RILPL2: variants seen among roughly 807,000 people sequenced by gnomAD.
The protein encoded by RILPL2 is Rab interacting lysosomal protein like 2.
Under a neutral mutation model 22.2 loss-of-function variants are expected in RILPL2, and 19 were observed. The observed-to-expected ratio is 0.86, with a 90% CI of 0.60 to 1.25. The LOEUF (loss-of-function observed/expected upper bound fraction) is 1.25. RILPL2 is among the 50% of genes most tolerant of loss of function. The probability of loss-of-function intolerance (pLI) is 0.00; values close to 1 mark genes in which losing one functional copy is unlikely to be tolerated. For missense variants in RILPL2, 243 were observed against 263.6 expected, an observed-to-expected ratio of 0.92 and a Z score of 0.54; for synonymous variants, 123 against 111.6, an observed-to-expected ratio of 1.10 and a Z score of -0.64.
At chr12:123,424,257 G>A (rs1466648916) in intron 2 of RILPL2, among the ~76,000 whole-genome samples, 1 of 151,822 alleles carries the variant, frequency 6.6e-6, no homozygotes, top group Non-Finnish European at 1.5e-5. Flanking sequence ...ATTCCAGTAG[G>A]AGAAGGAAAC....
the RILPL2 span, among the ~76,000 whole-genome samples, chr12:123,409,553 T>C: frequency 2.0e-5 from 3 of 150,000 alleles, no homozygotes; most frequent in East Asian, 1.9e-4. Context: ...GTTAATGCTT[T>C]TTTTTTTTTT....
chr12:123,428,775 C>T (rs1322769318), intron 2 of RILPL2, among the ~76,000 whole-genome samples: 1 of 152,186 alleles, frequency 6.6e-6, no homozygotes, highest in African/African-American at 2.4e-5. Flanking sequence ...ATAGTGATAA[C>T]ATCACTGCTA....
At chr12:123,414,669 TCAC>T (rs1879066316), downstream of RILPL2, 1 of 153,732 alleles carries the variant, frequency 6.5e-6, no homozygotes, top group South Asian at 2.0e-4. Context: ...CAGCACGCTG[TCAC>T]CTCTCACCAG....
intron 3 of RILPL2, 51 bp from the exon 4 acceptor site, chr12:123,415,972 G>A: frequency 6.3e-7 from 1 of 1,591,110 alleles, no homozygotes; most frequent in Non-Finnish European, 8.6e-7. Flanking sequence ...ACAAAGCAAG[G>A]GGCACAGCAA....
chr12:123,430,447 A>G, intron 2 of RILPL2, 61 bp downstream of exon 2: 1 of 1,475,360 alleles, frequency 6.8e-7, no homozygotes. Context: ...ACAAATATGT[A>G]ACCTAGCAAG....
rs1452830758 is a variant in RILPL2, at chr12:123,436,268, C to A, written c.153G>T (p.Glu51Asp). 2 of 1,609,642 alleles carry A rather than the reference C, an allele frequency of 1.2e-6. No homozygotes were observed. The highest frequency in any genetic ancestry group is 1.7e-5 in the Admixed American group (1 of 59,354). The change falls in exon 1 of 4, where the codon GAG (glutamate) becomes GAT (aspartate). Residue 51 changes from glutamate (E) to aspartate (D), a missense_variant. Transcript: ENST00000280571. The surrounding 1 kb of genome is among the most constrained non-coding windows in gnomAD (Gnocchi z 6.7). ...GGGGGTCGCTGCCCAGGGCCATAAG[C>A]TCGCGGCCCAACAGGTAGGAGATGT... ...VYDISYLLGR[E>D]LMALGSDPRV...
rs966429966 is a variant in RILPL2, at chr12:123,436,069, C to T, written c.339+13G>A. The T allele has an allele frequency of 3.2e-6, 5 of 1,563,794 alleles. No individual in the cohort carries two copies. In the African/African-American group the frequency reaches 4.1e-5, roughly 13 times the overall value. Reference sequence around the variant, plus strand: ...AGGCGCCGTGGGCCCGGAACCCTCGCTCCCACACTCACCTCCCCGCTGGCC... The same window carrying T: ...AGGCGCCGTGGGCCCGGAACCCTCGTTCCCACACTCACCTCCCCGCTGGCC... On this transcript the variant is annotated intron_variant, in intron 1 of 3. Transcript: ENST00000280571. The surrounding 1 kb of genome is among the most constrained non-coding windows in gnomAD (Gnocchi z 6.7).
At chr12:123,431,843 T>G (rs2139252384) in intron 1 of RILPL2, among the ~76,000 whole-genome samples, 1 of 151,488 alleles carries the variant, frequency 6.6e-6, no homozygotes, top group Non-Finnish European at 1.5e-5. Context: ...AAAAAAAAAT[T>G]TAAGATGGTA....
At chr12:123,413,760 T>G (rs1307619003), downstream of RILPL2, 3 of 152,238 alleles carry the variant, frequency 2.0e-5, no homozygotes, top group Non-Finnish European at 4.4e-5. Context: ...GACAGGGCGC[T>G]GATTGGTGCG....
chr12:123,422,324 T>C (rs1879309324), intron 3 of RILPL2, among the ~76,000 whole-genome samples: 1 of 151,622 alleles, frequency 6.6e-6, no homozygotes, highest in Admixed American at 6.6e-5. Flanking sequence ...AAGACCAGCC[T>C]GTCCAACATG....
intron 3 of RILPL2, among the ~76,000 whole-genome samples, chr12:123,419,862 T>C (rs1163735081): frequency 6.6e-6 from 1 of 151,398 alleles, no homozygotes; most frequent in East Asian, 1.9e-4. Flanking sequence ...GGTGCGATCT[T>C]GGCTCACTGC....
At chr12:123,433,075 C>T (rs1282597375) in intron 1 of RILPL2, among the ~76,000 whole-genome samples, 2 of 149,472 alleles carry the variant, frequency 1.3e-5, no homozygotes, top group African/African-American at 2.5e-5. Flanking sequence ...TGTTCCTGTT[C>T]TTTCCTGGCT....
chr12:123,409,776 G>A, the RILPL2 span, among the ~76,000 whole-genome samples: 1 of 140,484 alleles, frequency 7.1e-6, no homozygotes, highest in African/African-American at 2.7e-5. Context: ...GCCCAGGTGG[G>A]AGTGCAGTGG....
chr12:123,424,908 G>A (rs1021656480), intron 2 of RILPL2, among the ~76,000 whole-genome samples: 4 of 150,014 alleles, frequency 2.7e-5, no homozygotes, highest in African/African-American at 9.9e-5. Context: ...TTGAGACAGA[G>A]TCTAGCTCTG....
downstream of RILPL2, among the ~76,000 whole-genome samples, chr12:123,410,099 G>A (rs1003713845): frequency 2.0e-5 from 3 of 152,036 alleles, no homozygotes; most frequent in Non-Finnish European, 2.9e-5. Context: ...CACCCGCCTC[G>A]GCCTCCCAAA....
intron 2 of RILPL2, among the ~76,000 whole-genome samples, chr12:123,429,303 G>A (rs1593493577): frequency 4.0e-5 from 6 of 151,804 alleles, no homozygotes; most frequent in African/African-American, 2.4e-5. Flanking sequence ...TTTTTGTTTC[G>A]TTTTGTTTTT....
At chr12:123,416,795 C>A (rs977724679) in intron 3 of RILPL2, among the ~76,000 whole-genome samples, 5 of 152,228 alleles carry the variant, frequency 3.3e-5, no homozygotes, top group African/African-American at 1.2e-4. Flanking sequence ...ACACACATTT[C>A]ACTTTTGCTC....
At chr12:123,409,309 GTCA>G in the RILPL2 span, 1 of 152,614 alleles carries the variant, frequency 6.6e-6, no homozygotes, top group Non-Finnish European at 1.5e-5. Context: ...AAAATTATTT[GTCA>G]TCATAAAAAT....
chr12:123,436,642 C>A lies in RILPL2; in HGVS notation c.-222G>T, dbSNP rs1879816584. 1.4e-6 allele frequency: 1 copy of A among 711,930 alleles called. No homozygotes were observed. Among genetic ancestry groups the A allele is most frequent in the African/African-American group, 1.8e-5 (1 of 56,062 alleles). The allele number at this position is 711,930 out of a possible 1,614,324, so 44.1% of individuals were successfully genotyped here. On this transcript the variant is annotated 5_prime_UTR_variant, in exon 1 of 4. Transcript: ENST00000280571. This position sits in a 1 kb window ranked among gnomAD's most constrained non-coding sequence, Gnocchi z 6.7. ...CCGCTGCCAGCCACGCTGGAGAGTG[C>A]GCTCCAGGATGTGGTTTGGGGCGCG...
Sources: allele counts gnomAD v4.1 joint callset (sites outside exome capture counted in the v4.1 genomes callset), GRCh38; gene constraint gnomAD v4.1.1; non-coding constraint Gnocchi (gnomAD v3.1); transcripts MANE v1.5; gene names NCBI Gene and HGNC (gene_info 2026-07-23, HGNC 2026-07-21).